Variants in CACNA1B observed in about 807,000 individuals in gnomAD.
The protein encoded by CACNA1B is voltage-dependent N-type calcium channel subunit alpha-1B.
CACNA1B carries 70 observed loss-of-function variants against 247.2 expected under a neutral mutation model. That is an observed-to-expected ratio of 0.28 (90% CI 0.23 to 0.35). CACNA1B has a LOEUF of 0.35. CACNA1B is among the 10% of genes least tolerant of loss of function. The pLI is 1.00. For missense variants in CACNA1B, 2,367 were observed against 3,197.4 expected (o/e 0.74, Z 6.26); for synonymous variants, 1,231 against 1,294.4 (o/e 0.95, Z 1.05).
Position 138,023,358 on chromosome 9 carries a change from C to A in CACNA1B, c.2615C>A (p.Pro872Gln). Residue 872 changes from proline (P) to glutamine (Q), a missense_variant, in exon 19 of 47, where the codon CCG becomes CAG. Pro to Gln is a moderately conservative substitution (Grantham distance 76). This residue lies in a region of CACNA1B where 631 missense variants were observed against 631.1 expected (regional missense o/e 1.00). Transcript: ENST00000371372. The stretch of plus-strand genomic sequence containing the variant: ...GGGGACCAGGACCGAGCAGAGGCCC[C>A]GAAGGCGGAGAGCGGGGAGCCCGGT... ...AAGDQDRAEA[P>Q]KAESGEPGAR... 7.0e-7 allele frequency: 1 copy of A among 1,423,752 alleles called. No homozygotes were observed. Among genetic ancestry groups the A allele is most frequent in the Non-Finnish European group, 9.1e-7 (1 of 1,096,848 alleles). 88.2% of individuals were successfully genotyped at this position (1,423,752 alleles called of 1,614,324 possible). A position where few individuals can be genotyped will look rare whatever the true frequency, so the allele number is the denominator to read the frequency against.
intron 6 of CACNA1B, among the ~76,000 whole-genome samples, chr9:137,934,874 G>T (rs575201547): frequency 6.6e-6 from 1 of 152,154 alleles, no homozygotes; most frequent in Non-Finnish European, 1.5e-5. Context: ...CTACCAAAAT[G>T]AGAAGGAACC....
chr9:137,930,572 G>C (rs1957596996), intron 6 of CACNA1B, among the ~76,000 whole-genome samples: 1 of 152,212 alleles, frequency 6.6e-6, no homozygotes, highest in Non-Finnish European at 1.5e-5. Flanking sequence ...TTCTGCTGTT[G>C]TGTGCTGCAT....
intron 20 of CACNA1B, among the ~76,000 whole-genome samples, chr9:138,034,068 A>G (rs1959015147): frequency 6.6e-6 from 1 of 152,132 alleles, no homozygotes; most frequent in Non-Finnish European, 1.5e-5. Flanking sequence ...CTAGGCTTCC[A>G]TTCATACCGG....
chr9:137,959,573 A>T (rs1223623862), intron 10 of CACNA1B, among the ~76,000 whole-genome samples: 3 of 152,028 alleles, frequency 2.0e-5, no homozygotes, highest in East Asian at 1.9e-4. Flanking sequence ...GAATCTATAT[A>T]ATCCAAAAAA....
intron 6 of CACNA1B, among the ~76,000 whole-genome samples, chr9:137,932,596 C>G (rs1033241908): frequency 2.0e-5 from 3 of 152,192 alleles, no homozygotes; most frequent in Admixed American, 6.5e-5. Context: ...CAGCAGTTCT[C>G]TTTTCCCAGT....
intron 40 of CACNA1B, among the ~76,000 whole-genome samples, chr9:138,113,362 A>G (rs879519883): frequency 0.043 from 1,949 of 45,124 alleles, no homozygotes; most frequent in Middle Eastern, 0.12. Context: ...CCAACTTGTG[A>G]GAGACGTGAG....
chr9:138,077,218 G>A (rs1324723148), intron 35 of CACNA1B, among the ~76,000 whole-genome samples: 3 of 152,128 alleles, frequency 2.0e-5, no homozygotes, highest in African/African-American at 7.2e-5. Context: ...CTTACGCCTG[G>A]GGCTGCGCAC....
At chr9:138,047,060 C>T (rs201291653) in intron 22 of CACNA1B, 27 bp downstream of exon 22, 969 of 1,588,870 alleles carry the variant, frequency 6.1e-4, no homozygotes, top group Non-Finnish European at 7.4e-4. Flanking sequence ...GCCGGGTCCC[C>T]GCCAGGCTGT....
intron 34 of CACNA1B, among the ~76,000 whole-genome samples, chr9:138,074,391 C>G (rs770933844): frequency 1.3e-5 from 2 of 152,140 alleles, no homozygotes; most frequent in Admixed American, 6.5e-5. Context: ...TAGATGTGTG[C>G]CACCACGCCC....
chr9:137,952,445 C>T lies in CACNA1B; in HGVS notation c.1070+68C>T, dbSNP rs999868935. The T allele has an allele frequency of 8.4e-6, 11 of 1,314,406 alleles. No individual in the cohort carries two copies. The highest frequency in any genetic ancestry group is 1.2e-5 in the South Asian group (1 of 84,440). 81.4% of individuals were successfully genotyped at this position (1,314,406 alleles called of 1,614,324 possible). A position where few individuals can be genotyped will look rare whatever the true frequency, so the allele number is the denominator to read the frequency against. The stretch of plus-strand genomic sequence containing the variant: ...CTCAGCTGAGGGGTCAACAGGGGCA[C>T]GTGTGACACTTGGGGTGGGGGCCTG... On this transcript the variant is annotated intron_variant, in intron 7 of 46. Coordinates refer to ENST00000371372, the MANE Select transcript of CACNA1B (RefSeq NM_000718.4). The surrounding 1 kb of genome is among the most constrained non-coding windows in gnomAD (Gnocchi z 4.8).
rs1958882903 is a variant in CACNA1B, at chr9:138,023,748, C to A, written c.3005C>A (p.Thr1002Lys). The change falls in exon 19 of 47, where the codon ACG (threonine) becomes AAG (lysine). Residue 1002 changes from threonine to lysine, a missense_variant. By Grantham distance (78) the Thr-to-Lys change is moderately conservative. Transcript: ENST00000371372. ...AAGGAGACCACGGAGAAGGAGGCCACGGAGAAGGAGGCTGAGATAGTGGAA... is the reference window on the plus strand; with the variant it reads ...AAGGAGACCACGGAGAAGGAGGCCAAGGAGAAGGAGGCTGAGATAGTGGAA... Reference protein sequence around the residue: ...VEKETTEKEATEKEAEIVEAD... With the variant: ...VEKETTEKEAKEKEAEIVEAD... 2.3e-6 allele frequency: 3 copies of A among 1,313,334 alleles called. No homozygotes were observed. Among genetic ancestry groups the A allele is most frequent in the East Asian group, 6.3e-5 (2 of 31,998 alleles). The allele number at this position is 1,313,334 out of a possible 1,614,324, so 81.4% of individuals were successfully genotyped here. A position where few individuals can be genotyped will look rare whatever the true frequency, so the allele number is the denominator to read the frequency against.
At chr9:138,112,002 G>T (rs913997461) in intron 39 of CACNA1B, among the ~76,000 whole-genome samples, 2 of 152,084 alleles carry the variant, frequency 1.3e-5, no homozygotes, top group Non-Finnish European at 2.9e-5. Flanking sequence ...ACTCCAGAAG[G>T]GAAGTTTTTG....
rs1258901231 is a variant in CACNA1B, at chr9:137,899,614, G to T, written c.531-13566G>T. On this transcript the variant is annotated intron_variant, in intron 3 of 46. Transcript: ENST00000371372. This position sits in a 1 kb window ranked among gnomAD's most constrained non-coding sequence, Gnocchi z 5.0. ...AGGGACTGGGGTGGGGAGGCCGAGGGGATGCTGTGGCGTCTTTGGCCGAGA... is the reference window on the plus strand; with the variant it reads ...AGGGACTGGGGTGGGGAGGCCGAGGTGATGCTGTGGCGTCTTTGGCCGAGA... 6.6e-6 allele frequency among the ~76,000 whole-genome samples: 1 copy of T among 152,208 alleles called. No individual in the cohort carries two copies. The highest frequency in any genetic ancestry group is 2.4e-5 in the African/African-American group (1 of 41,458).
chr9:137,969,580 T>A (rs111724662), intron 10 of CACNA1B, among the ~76,000 whole-genome samples: 3,733 of 152,162 alleles, frequency 0.025, 68 homozygotes, highest in Non-Finnish European at 0.038. Context: ...ACACAGTGGG[T>A]TTACATGAGT....
intron 20 of CACNA1B, among the ~76,000 whole-genome samples, chr9:138,043,004 A>G (rs964721530): frequency 1.3e-5 from 2 of 152,188 alleles, no homozygotes; most frequent in Non-Finnish European, 2.9e-5. Flanking sequence ...TCTGTCATCT[A>G]TAAGAATTGA....
At chr9:138,079,480 C>T (rs1960442744) in intron 36 of CACNA1B, among the ~76,000 whole-genome samples, 1 of 152,118 alleles carries the variant, frequency 6.6e-6, no homozygotes, top group Non-Finnish European at 1.5e-5. Context: ...TGGTGGCTCA[C>T]ACCTGTAATC....
intron 39 of CACNA1B, among the ~76,000 whole-genome samples, chr9:138,109,453 T>C (rs752814459): frequency 2.0e-5 from 3 of 152,238 alleles, no homozygotes; most frequent in Non-Finnish European, 4.4e-5. Context: ...TTCTCTTGGC[T>C]GGTAAACAGC....
intron 8 of CACNA1B, among the ~76,000 whole-genome samples, 193 bp from the exon 9 acceptor site, chr9:137,956,578 C>T (rs146503044): frequency 7.3e-5 from 11 of 151,270 alleles, no homozygotes; most frequent in East Asian, 1.9e-4. Flanking sequence ...CGCTTGAACC[C>T]GGAAGGTGGA....
rs1959435847 is a variant in CACNA1B, at chr9:138,054,850, A to ATTCACCGTGG, written c.3968+847_3968+856dup. ...TCTCGCCTTTCTGGGTGTAGTGGTC[A>ATTCACCGTGG]TTCACCGTGGTTTAATTTTGCACTT... is the stretch of plus-strand genomic sequence containing the variant. On this transcript the variant is annotated intron_variant, in intron 26 of 46. Transcript: ENST00000371372. This position sits in a 1 kb window ranked among gnomAD's most constrained non-coding sequence, Gnocchi z 4.6. Among the ~76,000 whole-genome samples the ATTCACCGTGG allele has an allele frequency of 6.6e-6, 1 of 152,186 alleles. No individual in the cohort carries two copies. The highest frequency in any genetic ancestry group is 1.5e-5 in the Non-Finnish European group (1 of 68,036).
Sources: allele counts gnomAD v4.1 joint callset (sites outside exome capture counted in the v4.1 genomes callset), GRCh38; gene constraint gnomAD v4.1.1; regional missense constraint gnomAD v4.1.1; non-coding constraint Gnocchi (gnomAD v3.1); transcripts MANE v1.5; gene names NCBI Gene and HGNC (gene_info 2026-07-23, HGNC 2026-07-21).